Variants in CELF4 observed in about 807,000 individuals in gnomAD.
The protein encoded by CELF4 is CUG-BP- and ETR-3-like factor 4.
CELF4 carries 18 observed loss-of-function variants against 59.9 expected under a neutral mutation model. The observed-to-expected ratio is 0.30, with a 90% CI of 0.21 to 0.45. The LOEUF (loss-of-function observed/expected upper bound fraction) is 0.45. Ranked by LOEUF, CELF4 falls within the 20% of genes least tolerant of loss-of-function variation. CELF4 has a pLI of 1.00. For missense variants in CELF4, 456 were observed against 689.0 expected (o/e 0.66, Z 3.79); for synonymous variants, 261 against 267.1 (o/e 0.98, Z 0.22).
intron 2 of CELF4, among the ~76,000 whole-genome samples, chr18:37,434,134 C>G (rs955255171): frequency 6.6e-6 from 1 of 152,148 alleles, no homozygotes; most frequent in Non-Finnish European, 1.5e-5. Context: ...CACATAAACT[C>G]TGAAACAGAA....
intron 2 of CELF4, among the ~76,000 whole-genome samples, chr18:37,358,544 G>C (rs957070595): frequency 1.3e-5 from 2 of 152,208 alleles, no homozygotes; most frequent in African/African-American, 4.8e-5. Flanking sequence ...GATAGGTAGG[G>C]GGCTGGGGAA....
At chr18:37,505,860 A>C (rs774381838) in intron 1 of CELF4, among the ~76,000 whole-genome samples, 7 of 152,160 alleles carry the variant, frequency 4.6e-5, no homozygotes, top group Non-Finnish European at 1.0e-4. Context: ...TCCTGTTGTG[A>C]TGCCATTAAG....
rs531330180 is a variant in CELF4, at chr18:37,505,604, T to C, written c.287-19997A>G. ...CCAGGGGAATCCTCCCCAGCCTTTT[T>C]GTGAACAGAGGACCTCAGTGGCTGG... On this transcript the variant is annotated intron_variant, in intron 1 of 12. Transcript: ENST00000420428. 7.9e-5 allele frequency among the ~76,000 whole-genome samples: 12 copies of C among 152,224 alleles called. No individual in the cohort carries two copies. The East Asian group carries it at 2.3e-3, about 30-fold the overall frequency.
chr18:37,516,370 C>T (rs2099950645), intron 1 of CELF4, among the ~76,000 whole-genome samples: 1 of 152,138 alleles, frequency 6.6e-6, no homozygotes, highest in African/African-American at 2.4e-5. Context: ...AAATTCAAGT[C>T]AGGGGCCCTG....
intron 1 of CELF4, among the ~76,000 whole-genome samples, chr18:37,524,512 T>A (rs970221943): frequency 6.6e-5 from 10 of 152,202 alleles, no homozygotes; most frequent in Non-Finnish European, 1.5e-4. Context: ...TTGTGTTGAC[T>A]TGACGCGCCC....
At chr18:37,388,007 T>TA (rs1470184987) in intron 2 of CELF4, among the ~76,000 whole-genome samples, 1 of 152,042 alleles carries the variant, frequency 6.6e-6, no homozygotes, top group Non-Finnish European at 1.5e-5. Context: ...CTGTGGCCTT[T>TA]ATTGTCATTG....
chr18:37,563,575 G>C (rs1352677218), intron 1 of CELF4, among the ~76,000 whole-genome samples: 1 of 152,044 alleles, frequency 6.6e-6, no homozygotes, highest in Non-Finnish European at 1.5e-5. Context: ...GAGAGGGAGG[G>C]GGGGAAAAAG....
chr18:37,485,114 CT>C (rs1479506584), intron 2 of CELF4, among the ~76,000 whole-genome samples: 1 of 152,186 alleles, frequency 6.6e-6, no homozygotes, highest in East Asian at 1.9e-4. Context: ...GGGCTGGCTC[CT>C]TAAATAAACC....
At chr18:37,392,615 A>C (rs2099175183) in intron 2 of CELF4, among the ~76,000 whole-genome samples, 1 of 152,236 alleles carries the variant, frequency 6.6e-6, no homozygotes, top group African/African-American at 2.4e-5. Context: ...GATGCTACCT[A>C]GTGCAGTATG....
At chr18:37,278,694 C>T (rs142144031) in intron 3 of CELF4, among the ~76,000 whole-genome samples, 85 of 152,322 alleles carry the variant, frequency 5.6e-4, no homozygotes, top group African/African-American at 1.9e-3. Context: ...TCCCTTCATT[C>T]GCCCTGCCTT....
intron 1 of CELF4, among the ~76,000 whole-genome samples, chr18:37,538,055 C>T (rs1196064656): frequency 6.6e-6 from 1 of 152,232 alleles, no homozygotes. Context: ...AGTCCTGGTG[C>T]CCTCTGCTGG....
intron 1 of CELF4, among the ~76,000 whole-genome samples, chr18:37,553,419 A>G (rs2099983859): frequency 6.6e-6 from 1 of 152,118 alleles, no homozygotes; most frequent in African/African-American, 2.4e-5. Context: ...TTGTGGGGGC[A>G]TTTGGAGATT....
At chr18:37,390,802 C>CA (rs2099151041) in intron 2 of CELF4, among the ~76,000 whole-genome samples, 2 of 57,842 alleles carry the variant, frequency 3.5e-5, no homozygotes, top group African/African-American at 1.8e-4. Context: ...GGTGATGGGG[C>CA]GGGGAGGGGG....
intron 2 of CELF4, among the ~76,000 whole-genome samples, chr18:37,464,155 A>C (rs1399392900): frequency 6.6e-6 from 1 of 152,250 alleles, no homozygotes; most frequent in African/African-American, 2.4e-5. Context: ...GTGCATAATT[A>C]GTTTCATGCA....
intron 2 of CELF4, among the ~76,000 whole-genome samples, chr18:37,341,854 C>T (rs1300885806): frequency 6.6e-6 from 1 of 152,130 alleles, no homozygotes; most frequent in Non-Finnish European, 1.5e-5. Flanking sequence ...TAATGGATCC[C>T]TGATGCCATT....
chr18:37,362,331 G>C (rs189258067), intron 2 of CELF4, among the ~76,000 whole-genome samples: 3 of 152,280 alleles, frequency 2.0e-5, no homozygotes, highest in Admixed American at 2.0e-4. Flanking sequence ...ATCAAGTCAG[G>C]GTTGCGGACG....
intron 3 of CELF4, among the ~76,000 whole-genome samples, chr18:37,276,832 G>C (rs1453392982): frequency 6.6e-6 from 1 of 152,236 alleles, no homozygotes. Flanking sequence ...GCACTCGCTA[G>C]ATGTTTGTGG....
At chr18:37,339,000 A>T (rs1179313303) in intron 2 of CELF4, among the ~76,000 whole-genome samples, 1 of 152,208 alleles carries the variant, frequency 6.6e-6, no homozygotes, top group East Asian at 1.9e-4. Context: ...CTCTGCATCC[A>T]TCCTGGTCCC....
chr18:37,395,330 C>T (rs886684711), intron 2 of CELF4, among the ~76,000 whole-genome samples: 4 of 152,098 alleles, frequency 2.6e-5, no homozygotes, highest in African/African-American at 9.7e-5. Context: ...TGACTGCTCC[C>T]ACGGCGGGCT....
Sources: allele counts gnomAD v4.1 joint callset (sites outside exome capture counted in the v4.1 genomes callset), GRCh38; gene constraint gnomAD v4.1.1; transcripts MANE v1.5; gene names NCBI Gene and HGNC (gene_info 2026-07-23, HGNC 2026-07-21).